Variants in RPH3AL observed in about 807,000 individuals in gnomAD.
RPH3AL encodes the protein rabphilin 3A like (without C2 domains).
RPH3AL carries 38 observed loss-of-function variants against 43.1 expected under a neutral mutation model. The ratio of observed to expected loss-of-function variants is 0.88; its 90% CI spans 0.68 to 1.15. The LOEUF (loss-of-function observed/expected upper bound fraction) is 1.15. Among genes scored for constraint, RPH3AL ranks in the 50% most tolerant of loss-of-function variants. The probability of loss-of-function intolerance (pLI) is 0.00; values close to 1 mark genes in which losing one functional copy is unlikely to be tolerated. For synonymous variants in RPH3AL, 189 were observed against 176.3 expected (o/e 1.07, Z -0.57); for missense variants, 462 against 423.2 (o/e 1.09, Z -0.81).
rs531448149 is a variant in RPH3AL, at chr17:290,007, T to C, written c.352-8153A>G. Among the ~76,000 whole-genome samples the C allele has an allele frequency of 4.6e-5, 7 of 152,342 alleles. No homozygotes were observed. The highest frequency in any genetic ancestry group is 2.1e-4 in the South Asian group (1 of 4,828). On this transcript the variant is annotated intron_variant, in intron 5 of 9. Transcript: ENST00000331302. This position sits in a 1 kb window ranked among gnomAD's most constrained non-coding sequence, Gnocchi z 4.2. ...TCTTCCCAAGGGCAGAGGCCACGTC[T>C]ATTTCTGTTCACCCTCCTGCTCCCT...
At chr17:242,344 C>T (rs55851357) in intron 7 of RPH3AL, among the ~76,000 whole-genome samples, 1 of 77,092 alleles carries the variant, frequency 1.3e-5, no homozygotes, top group Non-Finnish European at 2.7e-5. Flanking sequence ...CTACCTTCCT[C>T]TATTGACTAC....
At chr17:316,652 G>A (rs796487931) in intron 5 of RPH3AL, among the ~76,000 whole-genome samples, 16 of 6,532 alleles carry the variant, frequency 2.4e-3, no homozygotes, top group East Asian at 5.8e-3. Flanking sequence ...GACCTGCAGT[G>A]CCTGTGCTCC....
At chr17:251,170 A>T (rs1455098769) in intron 6 of RPH3AL, among the ~76,000 whole-genome samples, 1 of 152,166 alleles carries the variant, frequency 6.6e-6, no homozygotes, top group African/African-American at 2.4e-5. Context: ...CCCTGTGTGA[A>T]GGGCCTGCTT....
chr17:317,565 G>A (rs1335250081), intron 5 of RPH3AL, among the ~76,000 whole-genome samples: 5 of 152,110 alleles, frequency 3.3e-5, no homozygotes, highest in Admixed American at 6.5e-5. Flanking sequence ...CTGACCTGTA[G>A]TCCAGGGCCT....
At position 264,594 on chromosome 17, in the gene RPH3AL, T is replaced by C. The variant is rs1375045701; in HGVS notation, c.438+17174A>G. Among the ~76,000 whole-genome samples the C allele has an allele frequency of 6.6e-6, 1 of 152,220 alleles. No homozygotes were observed. Among genetic ancestry groups the C allele is most frequent in the Non-Finnish European group, 1.5e-5 (1 of 68,032 alleles). On this transcript the variant is annotated intron_variant, in intron 6 of 9. Coordinates refer to ENST00000331302, the MANE Select transcript of RPH3AL (RefSeq NM_006987.4). The surrounding 1 kb of genome is among the most constrained non-coding windows in gnomAD (Gnocchi z 4.8). ...TGACCACTGCATGGTGGTTTTCCGC[T>C]GATCGGTGTGAGGAGGGCATGAAGC...
chr17:249,328 C>T (rs549788946), intron 6 of RPH3AL, among the ~76,000 whole-genome samples: 4 of 152,200 alleles, frequency 2.6e-5, no homozygotes, highest in South Asian at 2.1e-4. Flanking sequence ...GATTTGGACA[C>T]GCTGACCTCC....
chr17:316,950 G>A (rs1348426127), intron 5 of RPH3AL, among the ~76,000 whole-genome samples: 11 of 114,112 alleles, frequency 9.6e-5, no homozygotes, highest in Non-Finnish European at 1.8e-4. Flanking sequence ...CCATTGACCT[G>A]TAGTCTCTCT....
intron 5 of RPH3AL, among the ~76,000 whole-genome samples, chr17:304,889 G>A (rs1000960198): frequency 3.5e-5 from 5 of 143,346 alleles, no homozygotes; most frequent in African/African-American, 7.7e-5. Context: ...CCGGTCCAGC[G>A]CCACGAGCTC....
intron 4 of RPH3AL, 44 bp from the exon 5 acceptor site, chr17:319,593 T>C: frequency 1.2e-6 from 2 of 1,602,728 alleles, no homozygotes; most frequent in Non-Finnish European, 1.7e-6. Flanking sequence ...GCTTCCTGCC[T>C]GGGCACAGTT....
chr17:296,949 C>G (rs373873892), intron 5 of RPH3AL, among the ~76,000 whole-genome samples: 1 of 152,236 alleles, frequency 6.6e-6, no homozygotes, highest in South Asian at 2.1e-4. Flanking sequence ...GGCTGGGTCT[C>G]GTGGGGCATT....
chr17:345,725 C>G lies in RPH3AL; in HGVS notation c.-213+6987G>C, dbSNP rs2045225206. 1.6e-5 allele frequency among the ~76,000 whole-genome samples: 2 copies of G among 122,932 alleles called. 1 individual carries two copies. Among genetic ancestry groups the G allele is most frequent in the Non-Finnish European group, 3.7e-5 (2 of 53,394 alleles). 80.6% of individuals were successfully genotyped at this position (122,932 alleles called of 152,430 possible). ...CGTGCTCCCCATCTGCGTGCATACCCTACTGGGGCACGCGTGCTCCCCATC... is the reference window on the plus strand; with the variant it reads ...CGTGCTCCCCATCTGCGTGCATACCGTACTGGGGCACGCGTGCTCCCCATC... On this transcript the variant is annotated intron_variant, in intron 1 of 9. Transcript: ENST00000331302.
At chr17:303,801 G>A (rs1272437160) in intron 5 of RPH3AL, among the ~76,000 whole-genome samples, 2 of 35,782 alleles carry the variant, frequency 5.6e-5, no homozygotes, top group Admixed American at 3.8e-4. Context: ...AGCAGTGACC[G>A]TGTCTCAGGA....
rs966335260 is a variant in RPH3AL at position 283,028 on chromosome 17, C to G, written c.352-1174G>C. 2.6e-5 allele frequency among the ~76,000 whole-genome samples: 4 copies of G among 152,176 alleles called. No individual in the cohort carries two copies. The highest frequency in any genetic ancestry group is 9.7e-5 in the African/African-American group (4 of 41,442). On this transcript the variant is annotated intron_variant, in intron 5 of 9. Transcript: ENST00000331302. The surrounding 1 kb of genome is among the most constrained non-coding windows in gnomAD (Gnocchi z 4.2). ...GGAGGCAGAGGTGGATGTGTTGGGG[C>G]TGAGACCGGCTCCAGGCTAACCCAG...
At chr17:222,263 G>A (rs2041010168) in intron 7 of RPH3AL, among the ~76,000 whole-genome samples, 1 of 152,266 alleles carries the variant, frequency 6.6e-6, no homozygotes, top group Admixed American at 6.5e-5. Context: ...GAAAACGGGG[G>A]CACGTGCCCA....
chr17:304,945 G>A (rs1361831759), intron 5 of RPH3AL, among the ~76,000 whole-genome samples: 1 of 70,304 alleles, frequency 1.4e-5, no homozygotes, highest in East Asian at 3.2e-4. Flanking sequence ...GGGGGACAGG[G>A]CGAGAGGGGG....
At chr17:332,984 CT>C in intron 2 of RPH3AL, 3 of 1,277,704 alleles carry the variant, frequency 2.3e-6, no homozygotes, top group Non-Finnish European at 3.1e-6. Context: ...CGAAAAATTC[CT>C]AGGGGACAGA....
chr17:221,707 C>A (rs1369872334), intron 7 of RPH3AL, among the ~76,000 whole-genome samples: 3 of 133,036 alleles, frequency 2.3e-5, no homozygotes, highest in African/African-American at 8.8e-5. Context: ...ACAATAGACC[C>A]AAGCACATCA....
chr17:277,068 C>T (rs2042672694), intron 6 of RPH3AL, among the ~76,000 whole-genome samples: 1 of 152,052 alleles, frequency 6.6e-6, no homozygotes, highest in Non-Finnish European at 1.5e-5. Context: ...CATTGATTTT[C>T]CTCCTAGAAA....
intron 6 of RPH3AL, among the ~76,000 whole-genome samples, chr17:249,496 C>T (rs782524218): frequency 1.3e-5 from 2 of 152,004 alleles, no homozygotes; most frequent in Admixed American, 6.5e-5. Context: ...TGGGCACCAC[C>T]GCCACCCCCC....
Sources: allele counts gnomAD v4.1 joint callset (sites outside exome capture counted in the v4.1 genomes callset), GRCh38; gene constraint gnomAD v4.1.1; non-coding constraint Gnocchi (gnomAD v3.1); transcripts MANE v1.5; gene names NCBI Gene and HGNC (gene_info 2026-07-23, HGNC 2026-07-21).